The following NLRP12 variants were observed in gnomAD, a reference collection of about 807,000 sequenced individuals.
NLRP12 encodes the protein NLR family pyrin domain containing 12.
A neutral mutation model predicts 91.2 loss-of-function variants in NLRP12; 108 were observed. The observed-to-expected ratio is 1.18, with a 90% CI of 1.01 to 1.39. NLRP12 has a LOEUF of 1.39. NLRP12 is among the 40% of genes most tolerant of loss of function. The probability of loss-of-function intolerance (pLI) is 0.00; values close to 1 mark genes in which losing one functional copy is unlikely to be tolerated. For synonymous variants in NLRP12, 613 were observed against 566.7 expected (o/e 1.08, Z -1.16); for missense variants, 1,530 against 1,352.7 (o/e 1.13, Z -2.06).
chr19:53,811,387 G>T, intron 2 of NLRP12, 99 bp from the exon 3 acceptor site: 1 of 1,377,588 alleles, frequency 7.3e-7, no homozygotes. Context: ...GAAGGTGTGT[G>T]CCTGTAGTTC....
At chr19:53,801,527 G>A (rs11084298) in intron 6 of NLRP12, 130 bp from the exon 7 acceptor site, 1 of 1,258,146 alleles carries the variant, frequency 7.9e-7, no homozygotes, top group Non-Finnish European at 1.1e-6. Context: ...TCTCGGCTCA[G>A]CTGCATCCTC....
intron 1 of NLRP12, among the ~76,000 whole-genome samples, chr19:53,817,691 G>C (rs573251435): frequency 4.6e-5 from 7 of 151,968 alleles, no homozygotes; most frequent in Non-Finnish European, 8.8e-5. Flanking sequence ...AGCCGAGATC[G>C]CGCCACTGCA....
At chr19:53,819,560 C>CGT (rs1487222634) in intron 1 of NLRP12, among the ~76,000 whole-genome samples, 1 of 61,980 alleles carries the variant, frequency 1.6e-5, no homozygotes, top group African/African-American at 6.2e-5. Context: ...TGTATGTATA[C>CGT]GTATATATAT....
intron 9 of NLRP12, among the ~76,000 whole-genome samples, chr19:53,795,107 CGTGTGTGTGT>C (rs56027837): frequency 2.9e-4 from 25 of 85,496 alleles, no homozygotes; most frequent in Non-Finnish European, 5.2e-4. Flanking sequence ...CTGGTGTGTG[CGTGTGTGTGT>C]GTGTGTGTGT....
At chr19:53,815,011 T>C (rs2092135492) in intron 1 of NLRP12, 23 bp from the exon 2 acceptor site, 2 of 1,582,268 alleles carry the variant, frequency 1.3e-6, no homozygotes, top group Non-Finnish European at 8.7e-7. Context: ...TTGTGGAAGA[T>C]GAGCTAGCAC....
intron 7 of NLRP12, among the ~76,000 whole-genome samples, chr19:53,800,593 T>A (rs945477477): frequency 6.6e-6 from 1 of 151,994 alleles, no homozygotes; most frequent in Non-Finnish European, 1.5e-5. Context: ...CCCCCTTTTT[T>A]TTTTTTGAGA....
intron 1 of NLRP12, among the ~76,000 whole-genome samples, chr19:53,819,003 T>C (rs546134573): frequency 5.3e-5 from 8 of 152,148 alleles, no homozygotes; most frequent in Admixed American, 4.6e-4. Context: ...TAGACATCTG[T>C]CTCCTTGGGA....
chr19:53,805,025 G>A (rs754252590), intron 5 of NLRP12, among the ~76,000 whole-genome samples: 18 of 151,976 alleles, frequency 1.2e-4, no homozygotes, highest in African/African-American at 3.6e-4. Context: ...GCAAGACCCC[G>A]TCTCGGGAGA....
intron 2 of NLRP12, among the ~76,000 whole-genome samples, chr19:53,812,725 TA>T (rs952689255): frequency 6.6e-6 from 1 of 151,716 alleles, no homozygotes; most frequent in Non-Finnish European, 1.5e-5. Flanking sequence ...GAGAGAAGCT[TA>T]AAAAAAAGAA....
At position 53,809,838 on chromosome 19, in the gene NLRP12, C is replaced by T; in HGVS notation, c.1821G>A (p.Gln607=). Residue 607 remains glutamine (Q), a synonymous_variant, in exon 3 of 10, where the codon CAG becomes CAA. Transcript: ENST00000324134. ...AGCTGAAGAACTCCAAGGAGCCCTG[C>T]TGCAGGGTGGAGCCGTCGCTCTGAG... ...SKAQSDGSTL[Q]QGSLEFFSCL... is the part of the protein sequence containing the mutation. 2 of 1,614,148 alleles carry T rather than the reference C, an allele frequency of 1.2e-6. No individual in the cohort carries two copies. Among genetic ancestry groups the T allele is most frequent in the South Asian group, 1.1e-5 (1 of 91,088 alleles).
intron 3 of NLRP12, chr19:53,808,509 G>C (rs1281195545): frequency 6.6e-6 from 1 of 151,740 alleles, no homozygotes; most frequent in Non-Finnish European, 1.5e-5. Context: ...GAGAGTTTGA[G>C]ACCAGCCTGG....
chr19:53,807,711 G>A, intron 3 of NLRP12, 46 bp from the exon 4 acceptor site: 3 of 1,597,900 alleles, frequency 1.9e-6, no homozygotes, highest in Non-Finnish European at 2.6e-6. Context: ...ACTGGTGCTT[G>A]ACAACTATGG....
At chr19:53,816,382 C>A (rs144553114) in intron 1 of NLRP12, among the ~76,000 whole-genome samples, 6 of 152,128 alleles carry the variant, frequency 3.9e-5, no homozygotes, top group East Asian at 1.9e-4. Flanking sequence ...GCCCGCCCCC[C>A]CCAACAGTCT....
At chr19:53,821,584 C>T (rs968620297) in intron 1 of NLRP12, among the ~76,000 whole-genome samples, 2 of 152,026 alleles carry the variant, frequency 1.3e-5, no homozygotes, top group African/African-American at 2.4e-5. Context: ...AGGAGAATGG[C>T]GTGAACCCAG....
chr19:53,811,044 C>T lies in NLRP12; in HGVS notation c.615G>A (p.Glu205=), dbSNP rs1437663723. 1 of 1,612,714 alleles carries T rather than the reference C, an allele frequency of 6.2e-7. No individual in the cohort carries two copies. Among genetic ancestry groups the T allele is most frequent in the South Asian group, 1.1e-5 (1 of 91,058 alleles). ...KIETLFEPDE[E]RPEPPRTVVM... is the part of the protein sequence containing the mutation. ...CCACGGTGCGCGGTGGCTCGGGGCG[C>T]TCCTCGTCTGGCTCAAAGAGGGTCT... Residue 205 remains glutamate, a synonymous_variant, in exon 3 of 10, where the codon GAG becomes GAA. Transcript: ENST00000324134.
intron 7 of NLRP12, among the ~76,000 whole-genome samples, chr19:53,799,892 A>G (rs2091838394): frequency 6.6e-6 from 1 of 151,970 alleles, no homozygotes; most frequent in South Asian, 2.1e-4. Flanking sequence ...AGCTGGGTGT[A>G]GTGGGTCACA....
chr19:53,803,914 T>G, intron 6 of NLRP12, 38 bp downstream of exon 6: 1 of 1,595,230 alleles, frequency 6.3e-7, no homozygotes, highest in Non-Finnish European at 8.6e-7. Context: ...ATGAAGAGAT[T>G]TGCCATTTTA....
At chr19:53,818,319 C>T (rs1460106928) in intron 1 of NLRP12, among the ~76,000 whole-genome samples, 1 of 152,008 alleles carries the variant, frequency 6.6e-6, no homozygotes, top group African/African-American at 2.4e-5. Context: ...AGTGATCTGC[C>T]TGCCTCAGCC....
rs1555799160 is a variant in NLRP12 at position 53,819,656 on chromosome 19, TACAC to T, written c.289+4226_289+4229del. Among the ~76,000 whole-genome samples, 122 of 37,544 alleles carry T rather than the reference TACAC, an allele frequency of 3.2e-3. 12 individuals carry two copies. The highest frequency in any genetic ancestry group is 5.9e-3 in the East Asian group (7 of 1,184). 24.6% of individuals were successfully genotyped at this position (37,544 alleles called of 152,430 possible). A position where few individuals can be genotyped will look rare whatever the true frequency, so the allele number is the denominator to read the frequency against. On this transcript the variant is annotated intron_variant, in intron 1 of 9. Transcript: ENST00000324134. ...ATATATGTATGTATACGTATATATATACACATGTATACATATATGTATGTATACA... is the reference window on the plus strand; with the variant it reads ...ATATATGTATGTATACGTATATATATATGTATACATATATGTATGTATACA...
Sources: gnomAD v4.1 joint callset for allele counts (sites outside exome capture counted in the v4.1 genomes callset) on GRCh38, gnomAD v4.1.1 for gene constraint, MANE v1.5 for transcripts, NCBI Gene and HGNC (gene_info 2026-07-23, HGNC 2026-07-21) for gene names.